The following NOL4 variants were observed in gnomAD, a reference collection of about 807,000 sequenced individuals.
NOL4 encodes nucleolar protein 4.
NOL4 carries 17 observed loss-of-function variants against 75.9 expected under a neutral mutation model. That is an observed-to-expected ratio of 0.22 (90% CI 0.15 to 0.34). The LOEUF (loss-of-function observed/expected upper bound fraction) is 0.34, where lower values mean the gene tolerates loss of function less well. NOL4 is among the 10% of genes least tolerant of loss of function. The pLI is 1.00. For synonymous variants in NOL4, 292 were observed against 289.9 expected, an observed-to-expected ratio of 1.01 and a Z score of -0.07; for missense variants, 614 against 793.5, an observed-to-expected ratio of 0.77 and a Z score of 2.72.
chr18:33,977,540 T>C (rs906826710), intron 6 of NOL4, among the ~76,000 whole-genome samples: 1 of 152,138 alleles, frequency 6.6e-6, no homozygotes, highest in Admixed American at 6.6e-5. Context: ...GAACTGTAAG[T>C]ACATTAAACC....
chr18:34,214,343 T>C (rs1389291710), intron 1 of NOL4, among the ~76,000 whole-genome samples: 14 of 152,136 alleles, frequency 9.2e-5, no homozygotes, highest in Non-Finnish European at 1.8e-4. Context: ...TGGTAGAGTG[T>C]TATATAGATG....
At chr18:33,885,673 A>G (rs900121692) in intron 9 of NOL4, among the ~76,000 whole-genome samples, 11 of 152,088 alleles carry the variant, frequency 7.2e-5, no homozygotes, top group African/African-American at 2.7e-4. Flanking sequence ...GGAAATAATC[A>G]ATGCTGGTGA....
intron 1 of NOL4, among the ~76,000 whole-genome samples, chr18:34,170,314 A>T (rs1021350694): frequency 6.6e-5 from 10 of 151,686 alleles, no homozygotes; most frequent in African/African-American, 2.4e-4. Flanking sequence ...AGTAGCTGGG[A>T]TTACAGGCAC....
chr18:33,897,917 T>C (rs917783981), intron 9 of NOL4, among the ~76,000 whole-genome samples: 5 of 152,078 alleles, frequency 3.3e-5, no homozygotes, highest in Non-Finnish European at 5.9e-5. Context: ...AATCTCCTTT[T>C]TAAAATAACT....
chr18:33,871,492 G>A (rs1460625059), intron 10 of NOL4, among the ~76,000 whole-genome samples: 2 of 151,980 alleles, frequency 1.3e-5, no homozygotes, highest in Admixed American at 1.3e-4. Flanking sequence ...TGAGACCAGT[G>A]ATATTTAACT....
intron 1 of NOL4, among the ~76,000 whole-genome samples, chr18:34,204,879 T>A (rs2036011537): frequency 6.6e-6 from 1 of 152,152 alleles, no homozygotes; most frequent in Admixed American, 6.6e-5. Context: ...CATGTATTGT[T>A]AAATGTACTC....
Position 33,863,771 on chromosome 18 carries a change from G to A in NOL4, c.1724-10736C>T, listed in dbSNP as rs186100791. Among the ~76,000 whole-genome samples, 70 of 152,274 alleles carry A rather than the reference G, an allele frequency of 4.6e-4. No individual in the cohort carries two copies. The East Asian group carries it at 0.013, about 29-fold the overall frequency. ...TGGCCCTCTTCTAGGCAGTGCTCCA[G>A]TGGGGACTCCATGTGAGGACTCCAA... On this transcript the variant is annotated intron_variant, in intron 10 of 10. Coordinates refer to ENST00000261592, the MANE Select transcript of NOL4 (RefSeq NM_003787.5).
intron 9 of NOL4, among the ~76,000 whole-genome samples, chr18:33,909,373 A>G (rs1198020200): frequency 6.6e-6 from 1 of 152,150 alleles, no homozygotes; most frequent in African/African-American, 2.4e-5. Flanking sequence ...TAAATCTAAA[A>G]TTGCAATTAA....
chr18:34,215,797 A>G (rs1223927598), intron 1 of NOL4, among the ~76,000 whole-genome samples: 2 of 152,156 alleles, frequency 1.3e-5, no homozygotes, highest in East Asian at 3.8e-4. Context: ...AAACCTGCAT[A>G]TAATTTTGCT....
chr18:33,957,076 T>C, intron 8 of NOL4, among the ~76,000 whole-genome samples: 1 of 151,902 alleles, frequency 6.6e-6, no homozygotes, highest in South Asian at 2.1e-4. Flanking sequence ...TTATTTTCTG[T>C]GACATGGTAC....
intron 4 of NOL4, among the ~76,000 whole-genome samples, chr18:34,097,698 A>C (rs554497146): frequency 6.6e-6 from 1 of 152,326 alleles, no homozygotes; most frequent in East Asian, 1.9e-4. Context: ...CTACCATCTT[A>C]GGCAGTGCAT....
intron 1 of NOL4, among the ~76,000 whole-genome samples, chr18:34,188,131 C>T (rs1057218880): frequency 2.0e-5 from 3 of 152,100 alleles, no homozygotes; most frequent in African/African-American, 7.2e-5. Flanking sequence ...TAATTACAGG[C>T]GTTTTAAGAG....
intron 8 of NOL4, among the ~76,000 whole-genome samples, chr18:33,956,749 C>T (rs1242941340): frequency 6.6e-6 from 1 of 152,120 alleles, no homozygotes; most frequent in African/African-American, 2.4e-5. Flanking sequence ...AATATGAAAG[C>T]TCTTGGTACC....
intron 1 of NOL4, among the ~76,000 whole-genome samples, chr18:34,159,850 G>A (rs2031168549): frequency 6.6e-6 from 1 of 152,158 alleles, no homozygotes; most frequent in Admixed American, 6.6e-5. Flanking sequence ...AGACCAGAGA[G>A]CACCCAGGAC....
intron 6 of NOL4, among the ~76,000 whole-genome samples, chr18:34,016,226 T>C (rs1291913173): frequency 6.6e-6 from 1 of 152,134 alleles, no homozygotes; most frequent in Non-Finnish European, 1.5e-5. Context: ...CTTTTCTTTC[T>C]CATTGTCAGT....
chr18:34,030,708 A>G (rs2075597002), intron 5 of NOL4, among the ~76,000 whole-genome samples: 1 of 152,182 alleles, frequency 6.6e-6, no homozygotes, highest in Non-Finnish European at 1.5e-5. Flanking sequence ...TAGAAGGAGC[A>G]TATTGAATGT....
chr18:33,916,149 A>G (rs975696709), intron 9 of NOL4, among the ~76,000 whole-genome samples: 1 of 151,966 alleles, frequency 6.6e-6, no homozygotes, highest in East Asian at 1.9e-4. Context: ...ACATTTTTCA[A>G]TTTTTTGGAG....
At chr18:33,930,347 G>T (rs2067604873) in intron 9 of NOL4, among the ~76,000 whole-genome samples, 1 of 152,002 alleles carries the variant, frequency 6.6e-6, no homozygotes, top group South Asian at 2.1e-4. Context: ...GACTAATAAA[G>T]GTAAGATGGT....
At chr18:33,951,638 C>A (rs186911090) in intron 8 of NOL4, among the ~76,000 whole-genome samples, 1 of 152,130 alleles carries the variant, frequency 6.6e-6, no homozygotes, top group Non-Finnish European at 1.5e-5. Flanking sequence ...ATTTCTTTTT[C>A]ATATTTAACT....
Sources: gnomAD v4.1 joint callset for allele counts (sites outside exome capture counted in the v4.1 genomes callset) on GRCh38, gnomAD v4.1.1 for gene constraint, MANE v1.5 for transcripts, NCBI Gene and HGNC (gene_info 2026-07-23, HGNC 2026-07-21) for gene names.